Variants in AHI1 observed in about 807,000 individuals in gnomAD.
The protein encoded by AHI1 is jouberin.
In AHI1, 123 loss-of-function variants were observed where a neutral mutation model predicts 149.3. The observed-to-expected ratio is 0.82, with a 90% CI of 0.71 to 0.96. The LOEUF is 0.96. Ranked by LOEUF, AHI1 falls within the 40% of genes least tolerant of loss-of-function variation. The pLI is 0.00. For synonymous variants in AHI1, 475 were observed against 459.8 expected (o/e 1.03, Z -0.42); for missense variants, 1,439 against 1,422.7 (o/e 1.01, Z -0.18).
chr6:135,362,642 T>C (rs1231997154), intron 23 of AHI1, among the ~76,000 whole-genome samples: 7 of 152,226 alleles, frequency 4.6e-5, no homozygotes, highest in Non-Finnish European at 1.0e-4. Context: ...CATATGCTTG[T>C]TGGCCATTTG....
intron 22 of AHI1, among the ~76,000 whole-genome samples, chr6:135,402,378 T>C (rs1169007085): frequency 1.3e-5 from 2 of 152,202 alleles, no homozygotes; most frequent in African/African-American, 4.8e-5. Context: ...ACAATGTTTG[T>C]AGGAGTATTA....
intron 15 of AHI1, among the ~76,000 whole-genome samples, chr6:135,437,927 A>G (rs887481194): frequency 2.2e-4 from 33 of 152,218 alleles, no homozygotes; most frequent in Admixed American, 1.3e-3. Context: ...TAAATGTTTA[A>G]CCAATCTATA....
intron 5 of AHI1, among the ~76,000 whole-genome samples, chr6:135,478,046 C>T (rs1320607621): frequency 6.6e-6 from 1 of 152,018 alleles, no homozygotes; most frequent in African/African-American, 2.4e-5. Context: ...GGTGATCTGC[C>T]CACCTTGGCC....
rs978738257 is a variant in AHI1 at position 135,358,211 on chromosome 6, T to C, written c.3110-24A>G. On this transcript the variant is annotated intron_variant, in intron 23 of 28. Coordinates refer to ENST00000265602, the MANE Select transcript of AHI1 (RefSeq NM_001134831.2). ...CCCTGTGGAAAGAAAACATTGTGAG[T>C]ATTTGGTTATTAAGCCTGTCCATTT... 2.5e-6 allele frequency: 4 copies of C among 1,598,130 alleles called. No homozygotes were observed. In the African/African-American group the frequency reaches 5.4e-5, roughly 21 times the overall value.
At chr6:135,408,757 G>A (rs1781166838) in intron 21 of AHI1, among the ~76,000 whole-genome samples, 2 of 152,142 alleles carry the variant, frequency 1.3e-5, no homozygotes, top group Non-Finnish European at 2.9e-5. Context: ...GAACAAGGGT[G>A]CACAGCCCCT....
intron 24 of AHI1, among the ~76,000 whole-genome samples, chr6:135,342,947 G>C (rs1256866855): frequency 7.1e-6 from 1 of 141,744 alleles, no homozygotes; most frequent in African/African-American, 2.6e-5. Context: ...AATTAGGCAA[G>C]AAAAAAAAAA....
intron 26 of AHI1, among the ~76,000 whole-genome samples, chr6:135,315,421 G>T (rs189082123): frequency 3.7e-4 from 57 of 152,218 alleles, no homozygotes; most frequent in African/African-American, 1.3e-3. Context: ...AGAGGAGAAC[G>T]TGCTTTCTAA....
chr6:135,321,479 T>C (rs1786821416), intron 25 of AHI1, among the ~76,000 whole-genome samples: 1 of 151,916 alleles, frequency 6.6e-6, no homozygotes, highest in African/African-American at 2.4e-5. Context: ...CTTGAGAGAC[T>C]GGGGAGGGGA....
chr6:135,395,983 A>G (rs553649078), intron 22 of AHI1, among the ~76,000 whole-genome samples: 8 of 151,752 alleles, frequency 5.3e-5, no homozygotes, highest in Non-Finnish European at 1.0e-4. Flanking sequence ...TATCTGATTC[A>G]TTATTTACAT....
intron 5 of AHI1, among the ~76,000 whole-genome samples, chr6:135,469,720 A>T (rs1375532917): frequency 6.6e-6 from 1 of 152,194 alleles, no homozygotes; most frequent in Non-Finnish European, 1.5e-5. Context: ...TAGGGAAAGG[A>T]TTCCCTATTT....
intron 5 of AHI1, among the ~76,000 whole-genome samples, chr6:135,472,948 C>T: frequency 6.6e-6 from 1 of 152,120 alleles, no homozygotes. Flanking sequence ...AAAATATTTT[C>T]ATTTTTGTAG....
In AHI1 at chr6:135,440,840, G is replaced by A. The variant is rs188333798; in HGVS notation, c.1912+1742C>T. Reference sequence around the variant, plus strand: ...CAAAAATAATAAATCTTGGGTGGGCGTGAGGGGAGAAAGGAGGGCATCTGA... The same window carrying A: ...CAAAAATAATAAATCTTGGGTGGGCATGAGGGGAGAAAGGAGGGCATCTGA... On this transcript the variant is annotated intron_variant, in intron 14 of 28. Transcript: ENST00000265602. Among the ~76,000 whole-genome samples the A allele has an allele frequency of 2.9e-4, 44 of 152,114 alleles. 1 individual carries two copies. Among genetic ancestry groups the A allele is most frequent in the East Asian group, 2.3e-3 (12 of 5,176 alleles).
At chr6:135,366,275 T>C (rs1176993240) in intron 23 of AHI1, among the ~76,000 whole-genome samples, 1 of 152,120 alleles carries the variant, frequency 6.6e-6, no homozygotes, top group African/African-American at 2.4e-5. Context: ...TTCCTGGCTT[T>C]GGTATTACGG....
chr6:135,369,976 A>T (rs1017262710), intron 23 of AHI1, among the ~76,000 whole-genome samples: 5 of 152,148 alleles, frequency 3.3e-5, no homozygotes, highest in African/African-American at 1.2e-4. Context: ...GATATTTTAA[A>T]ATTCTTGCCT....
chr6:135,473,498 C>T (rs1218741199), intron 5 of AHI1, among the ~76,000 whole-genome samples: 1 of 152,112 alleles, frequency 6.6e-6, no homozygotes, highest in Non-Finnish European at 1.5e-5. Flanking sequence ...AGGATACTGA[C>T]ATATCTAACT....
chr6:135,336,802 T>G (rs1391053558), intron 24 of AHI1, among the ~76,000 whole-genome samples: 1 of 152,224 alleles, frequency 6.6e-6, no homozygotes, highest in Non-Finnish European at 1.5e-5. Context: ...TGTATCTGTC[T>G]AGATATATTT....
chr6:135,328,040 T>A (rs1787968815), intron 24 of AHI1, among the ~76,000 whole-genome samples: 3 of 152,260 alleles, frequency 2.0e-5, no homozygotes, highest in Admixed American at 1.3e-4. Context: ...AACCCCAACT[T>A]GAAGCCGGTT....
rs1420027724 is a variant in AHI1, at chr6:135,429,983, C to T, written c.2391G>A (p.Glu797=). Reference sequence around the variant, plus strand: ...AATAACTTATTGGAATTCCCTTAAACTCAGTTTCTTTAATTTCCTAAAATG... The same window carrying T: ...AATAACTTATTGGAATTCCCTTAAATTCAGTTTCTTTAATTTCCTAAAATG... ...WTINKEIKET[E]FKGIPISYLE... Residue 797 remains glutamate, a synonymous_variant, in exon 18 of 29, where the codon GAG becomes GAA. Transcript: ENST00000265602. 4 of 1,562,790 alleles carry T rather than the reference C, an allele frequency of 2.6e-6. No individual in the cohort carries two copies. In the East Asian group the frequency reaches 9.1e-5, roughly 35 times the overall value.
At chr6:135,342,959 G>A (rs1341626113) in intron 24 of AHI1, among the ~76,000 whole-genome samples, 3 of 150,340 alleles carry the variant, frequency 2.0e-5, no homozygotes, top group Admixed American at 1.3e-4. Context: ...AAAAAAAAAG[G>A]CACCCGGATC....
Sources: allele counts gnomAD v4.1 joint callset (sites outside exome capture counted in the v4.1 genomes callset), GRCh38; gene constraint gnomAD v4.1.1; transcripts MANE v1.5; gene names NCBI Gene and HGNC (gene_info 2026-07-23, HGNC 2026-07-21).